Variants in GUCY2C observed in about 807,000 individuals in gnomAD.
GUCY2C encodes guanylate cyclase 2C.
Under a neutral mutation model 131.1 loss-of-function variants are expected in GUCY2C, and 118 were observed. The ratio of observed to expected loss-of-function variants is 0.90; its 90% CI spans 0.78 to 1.05. The LOEUF (loss-of-function observed/expected upper bound fraction) is 1.05. GUCY2C is among the 50% of genes least tolerant of loss of function. GUCY2C has a pLI of 0.00. For missense variants in GUCY2C, 1,161 were observed against 1,304.4 expected (o/e 0.89, Z 1.69); for synonymous variants, 452 against 457.8 (o/e 0.99, Z 0.16).
intron 10 of GUCY2C, among the ~76,000 whole-genome samples, chr12:14,662,839 C>T (rs1947897705): frequency 6.6e-6 from 1 of 151,888 alleles, no homozygotes. Context: ...ATATTATCAA[C>T]CCTGGCAAAG....
Position 14,639,940 on chromosome 12 carries a change from G to A in GUCY2C, c.2079C>T (p.Phe693=). 1.2e-6 allele frequency: 2 copies of A among 1,600,470 alleles called. No individual in the cohort carries two copies. Among genetic ancestry groups the A allele is most frequent in the Non-Finnish European group, 1.7e-6 (2 of 1,167,650 alleles). The change falls in exon 19 of 27, where the codon TTC becomes TTT. Residue 693 remains phenylalanine, a synonymous_variant. Transcript: ENST00000261170. ...TCATTCCATTGGAATTTTCCACTCT[G>A]AAAATCTTCTCTGGTTGGGTGAGAA... The part of the protein sequence containing the change: ...LSCRDRNEKI[F]RVENSNGMKP...
intron 11 of GUCY2C, 145 bp from the exon 12 acceptor site, chr12:14,656,762 T>C (rs1209426502): frequency 2.1e-6 from 1 of 487,268 alleles, no homozygotes; most frequent in East Asian, 3.0e-5. Context: ...CACCATGTCC[T>C]CCAAACTGAA....
chr12:14,641,106 T>C lies in GUCY2C; in HGVS notation c.2044A>G (p.Thr682Ala). The C allele has an allele frequency of 6.2e-7, 1 of 1,613,500 alleles. No homozygotes were observed. The highest frequency in any genetic ancestry group is 8.5e-7 in the Non-Finnish European group (1 of 1,179,858). ...EIILRKETFY[T>A]LSCRDRNEKI... is the part of the protein sequence containing the mutation. Reference sequence around the variant, plus strand: ...CCATTCCGGTCCCGACAGCTCAAAGTGTAGAAGGTTTCTTTCCGCAGGATG... The same window carrying C: ...CCATTCCGGTCCCGACAGCTCAAAGCGTAGAAGGTTTCTTTCCGCAGGATG... Residue 682 changes from threonine to alanine, a missense_variant, in exon 18 of 27, where the codon ACT becomes GCT. Coordinates refer to ENST00000261170, the MANE Select transcript of GUCY2C (RefSeq NM_004963.4).
intron 19 of GUCY2C, among the ~76,000 whole-genome samples, chr12:14,634,643 A>AT (rs1467358159): frequency 1.3e-5 from 2 of 152,204 alleles, no homozygotes; most frequent in Non-Finnish European, 2.9e-5. Flanking sequence ...ATGGATCAAA[A>AT]TTTTTCACTT....
intron 24 of GUCY2C, 85 bp downstream of exon 24, chr12:14,619,126 T>C: frequency 1.3e-6 from 1 of 746,866 alleles, no homozygotes; most frequent in South Asian, 1.7e-5. Context: ...ACTTTGTATC[T>C]CCTTATTGTG....
chr12:14,687,072 G>A (rs1948485990), intron 2 of GUCY2C, among the ~76,000 whole-genome samples: 1 of 152,078 alleles, frequency 6.6e-6, no homozygotes, highest in African/African-American at 2.4e-5. Context: ...TTGGGATTGG[G>A]GTTTGGGGAT....
intron 15 of GUCY2C, among the ~76,000 whole-genome samples, chr12:14,648,686 C>T (rs1467650616): frequency 1.3e-5 from 2 of 152,062 alleles, no homozygotes; most frequent in Admixed American, 1.3e-4. Context: ...TGTTCTTTTC[C>T]GAATAAATAT....
intron 10 of GUCY2C, among the ~76,000 whole-genome samples, chr12:14,665,326 G>A (rs1402186766): frequency 2.0e-5 from 3 of 152,118 alleles, no homozygotes; most frequent in Admixed American, 2.0e-4. Context: ...TATTCCGAGG[G>A]AGTAGCATAA....
rs770022211 is a variant in GUCY2C, at chr12:14,613,243, G to C, written c.3096C>G (p.Asn1032Lys). The C allele has an allele frequency of 9.3e-6, 15 of 1,613,216 alleles. No individual in the cohort carries two copies. The highest frequency in any genetic ancestry group is 3.3e-4 in the Middle Eastern group (2 of 6,076). ...LQAEFSDMIA[N>K]SLQKRQAAGI... The stretch of plus-strand genomic sequence containing the variant: ...CTGCTGCCTGTCTTTTCTGTAAAGA[G>C]TTGGCAATCATGTCTGAAAATTCTG... Residue 1032 changes from asparagine to lysine, a missense_variant, in exon 27 of 27, where the codon AAC (asparagine) becomes AAG (lysine). Transcript: ENST00000261170. This position sits in a 1 kb window ranked among gnomAD's most constrained non-coding sequence, Gnocchi z 4.9.
chr12:14,652,756 AT>A (rs1489392275), intron 13 of GUCY2C, among the ~76,000 whole-genome samples, 195 bp downstream of exon 13: 1 of 152,036 alleles, frequency 6.6e-6, no homozygotes, highest in African/African-American at 2.4e-5. Flanking sequence ...TTTGTCTTCC[AT>A]TTTCCCCAGG....
chr12:14,674,618 C>A lies in GUCY2C; in HGVS notation c.1084+7G>T, dbSNP rs779652258. ...CTTGGGGTTATTTGCTCTTAGTAGA[C>A]CAGTACCTTCAAAAGTGAGATTCCT... On this transcript the variant is annotated splice_region_variant and intron_variant, in intron 8 of 26. Coordinates refer to ENST00000261170, the MANE Select transcript of GUCY2C (RefSeq NM_004963.4). 6.2e-7 allele frequency: 1 copy of A among 1,612,954 alleles called. No homozygotes were observed. Among genetic ancestry groups the A allele is most frequent in the East Asian group, 2.2e-5 (1 of 44,862 alleles).
intron 21 of GUCY2C, among the ~76,000 whole-genome samples, chr12:14,623,858 G>A (rs191917716): frequency 2.2e-4 from 34 of 152,194 alleles, no homozygotes; most frequent in Admixed American, 2.0e-3. Flanking sequence ...CACCATGGTT[G>A]TACATTTCCT....
At chr12:14,615,696 G>T (rs1314302069) in intron 25 of GUCY2C, among the ~76,000 whole-genome samples, 1 of 151,190 alleles carries the variant, frequency 6.6e-6, no homozygotes, top group Non-Finnish European at 1.5e-5. Context: ...TGGTTCACTG[G>T]CTGTGTTTGG....
At chr12:14,664,226 T>C (rs184512736) in intron 10 of GUCY2C, among the ~76,000 whole-genome samples, 27 of 152,314 alleles carry the variant, frequency 1.8e-4, no homozygotes, top group African/African-American at 6.0e-4. Flanking sequence ...AACTGGTGAA[T>C]TCTGTTTGTT....
chr12:14,618,330 TAG>T (rs146119807), intron 24 of GUCY2C, among the ~76,000 whole-genome samples: 7,974 of 151,972 alleles, frequency 0.052, 692 homozygotes, highest in African/African-American at 0.18. Context: ...CTAGACAACA[TAG>T]AGAGACCACA....
intron 21 of GUCY2C, among the ~76,000 whole-genome samples, 184 bp from the exon 22 acceptor site, chr12:14,622,381 C>A (rs2136983585): frequency 1.3e-5 from 2 of 152,284 alleles, no homozygotes; most frequent in Middle Eastern, 3.4e-3. Context: ...CACAAATACA[C>A]ATATAATGCA....
chr12:14,625,703 T>C, intron 21 of GUCY2C, 54 bp downstream of exon 21: 4 of 1,559,200 alleles, frequency 2.6e-6, no homozygotes, highest in Non-Finnish European at 3.5e-6. Flanking sequence ...ATAGATACAA[T>C]GAAAAGCAAT....
chr12:14,681,360 G>T lies in GUCY2C; in HGVS notation c.729C>A (p.Ser243Arg). Residue 243 changes from serine (S) to arginine (R), a missense_variant, in exon 5 of 27, where the codon AGC becomes AGA. Transcript: ENST00000261170. ...ATTATCTTCATGTCTTCTTACCATTGCTTTTCCTGTTGTGGTCCATTAAGA... is the reference window on the plus strand; with the variant it reads ...ATTATCTTCATGTCTTCTTACCATTTCTTTTCCTGTTGTGGTCCATTAAGA... Reference protein sequence around the residue: ...QDILMDHNRKSNVIIMCGGPE... With the variant: ...QDILMDHNRKRNVIIMCGGPE... 1 of 1,612,264 alleles carries T rather than the reference G, an allele frequency of 6.2e-7. No homozygotes were observed.
At chr12:14,684,649 CT>C (rs1565635633) in intron 3 of GUCY2C, among the ~76,000 whole-genome samples, 1 of 136,516 alleles carries the variant, frequency 7.3e-6, no homozygotes, top group African/African-American at 2.8e-5. Context: ...CTTTCCTTTC[CT>C]TTCCTTTCCT....
Sources: allele counts gnomAD v4.1 joint callset (sites outside exome capture counted in the v4.1 genomes callset), GRCh38; gene constraint gnomAD v4.1.1; non-coding constraint Gnocchi (gnomAD v3.1); transcripts MANE v1.5; gene names NCBI Gene and HGNC (gene_info 2026-07-23, HGNC 2026-07-21).